PSMF1: variants seen among roughly 807,000 people sequenced by gnomAD.
The protein encoded by PSMF1 is proteasome inhibitor subunit 1, also known as proteasome inhibitor PI31 subunit.
In PSMF1, 30 loss-of-function variants were observed where a neutral mutation model predicts 29.3. That is an observed-to-expected ratio of 1.02 (90% CI 0.77 to 1.39). PSMF1 has a LOEUF of 1.39. PSMF1 is among the 40% of genes most tolerant of loss of function. The pLI is 0.00. For missense variants in PSMF1, 344 were observed against 357.5 expected, an observed-to-expected ratio of 0.96 and a Z score of 0.31; for synonymous variants, 134 against 139.7, an observed-to-expected ratio of 0.96 and a Z score of 0.29.
At chr20:1,117,659 C>T (rs1212167580), upstream of PSMF1, among the ~76,000 whole-genome samples, 4 of 152,200 alleles carry the variant, frequency 2.6e-5, no homozygotes, top group African/African-American at 9.7e-5. Context: ...GACTTGTTTT[C>T]TAACAGAATC....
At chr20:1,121,879 C>T (rs2086092250) in intron 1 of PSMF1, among the ~76,000 whole-genome samples, 1 of 152,144 alleles carries the variant, frequency 6.6e-6, no homozygotes, top group Non-Finnish European at 1.5e-5. Flanking sequence ...ACAGCTTTGT[C>T]AAGTGGTTTG....
chr20:1,147,979 T>A (rs74871431), intron 4 of PSMF1, among the ~76,000 whole-genome samples: 58 of 152,210 alleles, frequency 3.8e-4, no homozygotes, highest in Non-Finnish European at 7.3e-4. Flanking sequence ...AGCAGAAATA[T>A]CAGCCTCTGC....
chr20:1,118,994 C>G lies in PSMF1; in HGVS notation c.129+92C>G, dbSNP rs892964133. ...GCCTGGTCCAGAGCGCCCGATTTCC[C>G]CGCTTCTCCCAGTGCAGGGTCTGGG... On this transcript the variant is annotated intron_variant, in intron 1 of 6. Transcript: ENST00000335877. 1.7e-5 allele frequency: 25 copies of G among 1,496,882 alleles called. No homozygotes were observed. In the African/African-American group the frequency reaches 2.8e-4, roughly 17 times the overall value. The allele number at this position is 1,496,882 out of a possible 1,614,324, so 92.7% of individuals were successfully genotyped here.
At chr20:1,147,478 T>A (rs1017600846) in intron 4 of PSMF1, among the ~76,000 whole-genome samples, 1 of 152,200 alleles carries the variant, frequency 6.6e-6, no homozygotes, top group Non-Finnish European at 1.5e-5. Flanking sequence ...CAATGTGGTG[T>A]ACAAATTCAA....
chr20:1,117,750 A>T (rs1007008338), upstream of PSMF1: 3 of 152,274 alleles, frequency 2.0e-5, no homozygotes, highest in African/African-American at 7.2e-5. Flanking sequence ...CCAGGCATCC[A>T]AGTGAAAGAT....
At position 1,166,512 on chromosome 20, in the gene PSMF1, C is replaced by G. The variant is rs2086732016; in HGVS notation, c.*1432C>G. 1.9e-6 allele frequency: 1 copy of G among 526,426 alleles called. No individual in the cohort carries two copies. The highest frequency in any genetic ancestry group is 2.2e-5 in the South Asian group (1 of 45,096). 32.6% of individuals were successfully genotyped at this position (526,426 alleles called of 1,614,324 possible). The stretch of plus-strand genomic sequence containing the variant: ...ATTGCCTATCTGCTTAGCCTGAGAA[C>G]AGGTAGATGAAAACTAAACTGATGC... On this transcript the variant is annotated 3_prime_UTR_variant, in exon 7 of 7. Transcript: ENST00000335877.
At position 1,166,696 on chromosome 20, in the gene PSMF1, T is replaced by C. The variant is rs1307557501; in HGVS notation, c.*1616T>C. 2 of 182,420 alleles carry C rather than the reference T, an allele frequency of 1.1e-5. No individual in the cohort carries two copies. The highest frequency in any genetic ancestry group is 2.3e-5 in the African/African-American group (1 of 42,928). The allele number at this position is 182,420 out of a possible 1,614,324, so 11.3% of individuals were successfully genotyped here. ...ACCACCTTGAAACCTTTAGAACATC[T>C]CTGCTTTGGAGAAAGACCCAGAGAT... On this transcript the variant is annotated 3_prime_UTR_variant, in exon 7 of 7. Transcript: ENST00000335877.
rs1178541165 is a variant in PSMF1, at chr20:1,166,446, C to T, written c.*1366C>T. On this transcript the variant is annotated 3_prime_UTR_variant, in exon 7 of 7. Coordinates refer to ENST00000335877, the MANE Select transcript of PSMF1 (RefSeq NM_006814.5). ...CCTGTAGGTAAGCAAGCTACTGTAG[C>T]TCTTCTGAGGTATCTGCCAGGCTGT... The T allele has an allele frequency of 1.7e-5, 11 of 658,380 alleles. No homozygotes were observed. The highest frequency in any genetic ancestry group is 2.7e-5 in the Non-Finnish European group (10 of 374,118). The allele number at this position is 658,380 out of a possible 1,614,324, so 40.8% of individuals were successfully genotyped here.
Position 1,165,964 on chromosome 20 carries a change from A to G in PSMF1, c.*884A>G. 1 of 1,381,104 alleles carries G rather than the reference A, an allele frequency of 7.2e-7. No individual in the cohort carries two copies. The highest frequency in any genetic ancestry group is 1.7e-5 in the South Asian group (1 of 59,936). The allele number at this position is 1,381,104 out of a possible 1,614,324, so 85.6% of individuals were successfully genotyped here. On this transcript the variant is annotated 3_prime_UTR_variant, in exon 7 of 7. Coordinates refer to ENST00000335877, the MANE Select transcript of PSMF1 (RefSeq NM_006814.5). ...AAATTGGAGGTGGCTTTCCTGCTCT[A>G]AAGCATTTTGATGTCTCATTCTGTG...
Position 1,118,862 on chromosome 20 carries a change from T to C in PSMF1, c.89T>C (p.Val30Ala). Residue 30 changes from valine to alanine, a missense_variant, in exon 1 of 7, where the codon GTG becomes GCG. Val to Ala is a moderately conservative substitution (Grantham distance 64). Coordinates refer to ENST00000335877, the MANE Select transcript of PSMF1 (RefSeq NM_006814.5). ...DALVCFLHWE[V>A]VTHGYFGLGV... ...CTCGTCTGCTTCTTGCATTGGGAAG[T>C]GGTGACACACGGTTACTTCGGCTTG... The C allele has an allele frequency of 6.2e-7, 1 of 1,614,040 alleles. No individual in the cohort carries two copies. Among genetic ancestry groups the C allele is most frequent in the Non-Finnish European group, 8.5e-7 (1 of 1,179,900 alleles).
At chr20:1,116,826 G>A (rs889060744), upstream of PSMF1, among the ~76,000 whole-genome samples, 1 of 152,120 alleles carries the variant, frequency 6.6e-6, no homozygotes, top group Non-Finnish European at 1.5e-5. Context: ...GGTTATTTTG[G>A]ATGGAATGGT....
At chr20:1,129,041 AT>A (rs549188659) in intron 3 of PSMF1, among the ~76,000 whole-genome samples, 65 of 145,346 alleles carry the variant, frequency 4.5e-4, no homozygotes, top group Non-Finnish European at 4.6e-4. Context: ...ACGCCTGGCA[AT>A]TTTTTTTTTT....
At chr20:1,116,959 G>C (rs145938552), upstream of PSMF1, among the ~76,000 whole-genome samples, 40 of 152,302 alleles carry the variant, frequency 2.6e-4, no homozygotes, top group East Asian at 7.3e-3. Context: ...GGCCCAAACA[G>C]AACACATGAA....
chr20:1,132,807 T>C (rs1181243604), intron 3 of PSMF1, among the ~76,000 whole-genome samples: 1 of 152,190 alleles, frequency 6.6e-6, no homozygotes, highest in East Asian at 1.9e-4. Flanking sequence ...TAGCTTGTTA[T>C]TTGTTTAAAG....
At chr20:1,119,642 A>G (rs2086059371) in intron 1 of PSMF1, among the ~76,000 whole-genome samples, 1 of 152,162 alleles carries the variant, frequency 6.6e-6, no homozygotes, top group Non-Finnish European at 1.5e-5. Flanking sequence ...TCTTACAGCT[A>G]GGGACGTCGT....
At chr20:1,131,371 T>C (rs143426974) in intron 3 of PSMF1, among the ~76,000 whole-genome samples, 1 of 152,362 alleles carries the variant, frequency 6.6e-6, no homozygotes, top group African/African-American at 2.4e-5. Context: ...GTGTTTTGTT[T>C]TGTTTTTTGA....
At chr20:1,159,051 G>A (rs1407739537) in intron 4 of PSMF1, among the ~76,000 whole-genome samples, 34 of 138,680 alleles carry the variant, frequency 2.5e-4, no homozygotes, top group African/African-American at 7.9e-4. Context: ...GTGAGACTCC[G>A]TCTCACAAAA....
chr20:1,129,307 C>T (rs1051281578), intron 3 of PSMF1, among the ~76,000 whole-genome samples: 1 of 152,164 alleles, frequency 6.6e-6, no homozygotes, highest in African/African-American at 2.4e-5. Flanking sequence ...TTAGAGTGAG[C>T]TTGGCATCAC....
In PSMF1 at chr20:1,135,326, C is replaced by T. The variant is rs190809330; in HGVS notation, c.551+20C>T. The stretch of plus-strand genomic sequence containing the variant: ...TCCCTGGTGAGTACAGAGTGCCTAG[C>T]GGGAAGCCCATGCTTCTGTAGAGGG... On this transcript the variant is annotated intron_variant, in intron 4 of 6. Coordinates refer to ENST00000335877, the MANE Select transcript of PSMF1 (RefSeq NM_006814.5). 42 of 1,591,754 alleles carry T rather than the reference C, an allele frequency of 2.6e-5. No individual in the cohort carries two copies. In the African/African-American group the frequency reaches 3.4e-4, roughly 13 times the overall value.
Sources: gnomAD v4.1 joint callset for allele counts (sites outside exome capture counted in the v4.1 genomes callset) on GRCh38, gnomAD v4.1.1 for gene constraint, MANE v1.5 for transcripts, NCBI Gene and HGNC (gene_info 2026-07-23, HGNC 2026-07-21) for gene names.